The following KDM4C variants were observed in gnomAD, a reference collection of about 807,000 sequenced individuals.
The protein encoded by KDM4C is lysine-specific demethylase 4C.
A neutral mutation model predicts 129.3 loss-of-function variants in KDM4C; 81 were observed. The observed-to-expected ratio is 0.63, with a 90% CI of 0.52 to 0.75. KDM4C has a LOEUF of 0.75. Among genes scored for constraint, KDM4C ranks in the 30% least tolerant of loss-of-function variants. The pLI is 0.00. For missense variants in KDM4C, 1,457 were observed against 1,304.0 expected, an observed-to-expected ratio of 1.12 and a Z score of -1.81; for synonymous variants, 573 against 456.1, an observed-to-expected ratio of 1.26 and a Z score of -3.26.
chr9:7,045,272 C>T (rs1023607849), intron 15 of KDM4C, among the ~76,000 whole-genome samples: 2 of 151,998 alleles, frequency 1.3e-5, no homozygotes, highest in African/African-American at 4.8e-5. Context: ...CTGCTACTTT[C>T]ATTAATCAGA....
chr9:6,964,846 C>T (rs11794548), intron 8 of KDM4C, among the ~76,000 whole-genome samples: 2,433 of 149,080 alleles, frequency 0.016, 68 homozygotes, highest in African/African-American at 0.056. Flanking sequence ...CCCAGCTACT[C>T]GGGAGGCTGA....
Position 7,011,779 on chromosome 9 carries a change from C to T in KDM4C, c.1868C>T (p.Thr623Met), listed in dbSNP as rs144567752. 6.8e-6 allele frequency: 11 copies of T among 1,613,970 alleles called. No individual in the cohort carries two copies. Among genetic ancestry groups the T allele is most frequent in the Admixed American group, 6.7e-5 (4 of 59,988 alleles). ...AAACCTCTCATCCACCTTTGGCAGA[C>T]GAAGTCCCCTAACTTCGCAGCTGAG... is the stretch of plus-strand genomic sequence containing the variant. ...WAKPLIHLWQ[T>M]KSPNFAAEQE... is the part of the protein sequence containing the mutation. Residue 623 changes from threonine to methionine, a missense_variant, in exon 13 of 22, where the codon ACG (threonine) becomes ATG (methionine). Thr to Met is a moderately conservative substitution (Grantham distance 81, BLOSUM62 -1). Transcript: ENST00000381309.
intron 17 of KDM4C, among the ~76,000 whole-genome samples, chr9:7,057,279 T>C (rs1277644843): frequency 6.6e-6 from 1 of 152,242 alleles, no homozygotes; most frequent in African/African-American, 2.4e-5. Flanking sequence ...GAAGTCTTTA[T>C]CTAACATGAG....
intron 8 of KDM4C, among the ~76,000 whole-genome samples, chr9:6,945,656 T>C (rs1001529727): frequency 6.6e-6 from 1 of 152,184 alleles, no homozygotes; most frequent in Non-Finnish European, 1.5e-5. Context: ...AATTTAACTA[T>C]ATTTTAGATT....
At chr9:6,885,819 G>C (rs915478176) in intron 6 of KDM4C, among the ~76,000 whole-genome samples, 1 of 152,110 alleles carries the variant, frequency 6.6e-6, no homozygotes, top group Non-Finnish European at 1.5e-5. Flanking sequence ...AATTCTGATA[G>C]CATATTGTAA....
At chr9:6,919,537 GTCTGTCTGTCTATCTA>G (rs199531659) in intron 8 of KDM4C, among the ~76,000 whole-genome samples, 15,198 of 94,358 alleles carry the variant, frequency 0.16, 928 homozygotes, top group South Asian at 0.27. Flanking sequence ...TCATCTGTCT[GTCTGTCTGTCTATCTA>G]TCTATCTATC....
intron 2 of KDM4C, among the ~76,000 whole-genome samples, chr9:6,798,425 T>C (rs535148389): frequency 4.2e-3 from 643 of 151,870 alleles, no homozygotes; most frequent in South Asian, 0.011. Flanking sequence ...CTTGAGATTA[T>C]GGAGTGGTGA....
At chr9:7,143,761 C>G (rs111824081) in intron 19 of KDM4C, among the ~76,000 whole-genome samples, 6 of 152,282 alleles carry the variant, frequency 3.9e-5, no homozygotes, top group South Asian at 2.1e-4. Context: ...ATAATGTTGA[C>G]TAAATAGATT....
intron 12 of KDM4C, among the ~76,000 whole-genome samples, chr9:7,009,159 C>T (rs1297485345): frequency 1.3e-5 from 2 of 152,150 alleles, no homozygotes; most frequent in Non-Finnish European, 2.9e-5. Context: ...GAAGACAATG[C>T]ACAAACAAGT....
At chr9:6,895,870 T>G (rs547369162) in intron 8 of KDM4C, among the ~76,000 whole-genome samples, 1 of 152,362 alleles carries the variant, frequency 6.6e-6, no homozygotes, top group African/African-American at 2.4e-5. Flanking sequence ...ATCATGTGCT[T>G]TCTTAATTTA....
chr9:6,809,222 A>T (rs982539356), intron 3 of KDM4C, among the ~76,000 whole-genome samples: 2 of 152,190 alleles, frequency 1.3e-5, no homozygotes, highest in Non-Finnish European at 2.9e-5. Context: ...ATAGAGTTTT[A>T]TTCTTTCAGA....
At chr9:6,773,435 A>G (rs1822317160) in intron 1 of KDM4C, among the ~76,000 whole-genome samples, 1 of 152,186 alleles carries the variant, frequency 6.6e-6, no homozygotes, top group Non-Finnish European at 1.5e-5. Flanking sequence ...TTACCAAATG[A>G]GCTACACTTG....
intron 1 of KDM4C, among the ~76,000 whole-genome samples, chr9:6,735,252 T>C (rs145850298): frequency 6.6e-6 from 1 of 152,232 alleles, no homozygotes; most frequent in Non-Finnish European, 1.5e-5. Context: ...CTCTTTTGTT[T>C]TGGTGTTGTC....
At chr9:6,804,757 CAAA>C (rs778108422) in intron 2 of KDM4C, among the ~76,000 whole-genome samples, 3 of 94,470 alleles carry the variant, frequency 3.2e-5, no homozygotes, top group Admixed American at 1.2e-4. Context: ...GACTCCGTCT[CAAA>C]AAAAAAAAAA....
rs149973032 is a variant in KDM4C at position 6,742,481 on chromosome 9, G to A, written c.49+21484G>A. Among the ~76,000 whole-genome samples the A allele has an allele frequency of 2.0e-5, 3 of 151,950 alleles. No individual in the cohort carries two copies. The South Asian group carries it at 6.2e-4, about 32-fold the overall frequency. ...AGACTCTCTGGGTTTTTTCTGTTAA[G>A]GTTCTGCTGGCCTTCGTGAGTATCA... On this transcript the variant is annotated intron_variant, in intron 1 of 17. Transcript: ENST00000536108.
chr9:7,037,370 T>C (rs1407860), intron 15 of KDM4C, among the ~76,000 whole-genome samples: 8,485 of 152,230 alleles, frequency 0.056, 273 homozygotes, highest in South Asian at 0.097. Context: ...TGATGTTTTA[T>C]AGAAGAGACA....
At chr9:7,065,583 T>C (rs1396926131) in intron 17 of KDM4C, among the ~76,000 whole-genome samples, 1 of 152,218 alleles carries the variant, frequency 6.6e-6, no homozygotes, top group Non-Finnish European at 1.5e-5. Context: ...ATAATTTTAA[T>C]AGACTAATGA....
At chr9:6,788,443 G>T (rs755416645) in intron 1 of KDM4C, among the ~76,000 whole-genome samples, 23 of 152,140 alleles carry the variant, frequency 1.5e-4, no homozygotes, top group Non-Finnish European at 3.1e-4. Flanking sequence ...TGATCTGTGG[G>T]CTTCTACCCT....
intron 19 of KDM4C, among the ~76,000 whole-genome samples, chr9:7,153,335 C>T (rs73398961): frequency 0.01 from 1,541 of 152,330 alleles, 26 homozygotes; most frequent in African/African-American, 0.035. Context: ...TGGTGTATCC[C>T]CATCAGAGTA....
Sources: allele counts gnomAD v4.1 joint callset (sites outside exome capture counted in the v4.1 genomes callset), GRCh38; gene constraint gnomAD v4.1.1; transcripts MANE v1.5; gene names NCBI Gene and HGNC (gene_info 2026-07-23, HGNC 2026-07-21).